Variants in KLHL8 observed in about 807,000 individuals in gnomAD.
KLHL8 encodes kelch like family member 8, also known as kelch-like protein 8.
Under a neutral mutation model 63.5 loss-of-function variants are expected in KLHL8, and 38 were observed. That is an observed-to-expected ratio of 0.60 (90% CI 0.46 to 0.78). The LOEUF (loss-of-function observed/expected upper bound fraction) is 0.78. KLHL8 is among the 30% of genes least tolerant of loss of function. The pLI, the probability that KLHL8 is intolerant of heterozygous loss-of-function variation, is 0.00. For missense variants in KLHL8, 566 were observed against 752.4 expected, an observed-to-expected ratio of 0.75 and a Z score of 2.90; for synonymous variants, 224 against 254.3, an observed-to-expected ratio of 0.88 and a Z score of 1.13.
chr4:87,223,423 T>C (rs1232309870), upstream of KLHL8, among the ~76,000 whole-genome samples: 1 of 152,224 alleles, frequency 6.6e-6, no homozygotes, highest in Non-Finnish European at 1.5e-5. Context: ...ATTTCAATAT[T>C]ATTATCATCT....
intron 2 of KLHL8, among the ~76,000 whole-genome samples, chr4:87,190,291 T>C (rs746747988): frequency 5.0e-4 from 76 of 152,168 alleles, no homozygotes; most frequent in African/African-American, 1.7e-3. Context: ...AATACTATTA[T>C]AGTGGATATA....
chr4:87,224,156 G>C (rs976932279), upstream of KLHL8, among the ~76,000 whole-genome samples: 6 of 152,038 alleles, frequency 3.9e-5, no homozygotes, highest in African/African-American at 1.4e-4. Flanking sequence ...CCGTCTCCCA[G>C]GTTCAAGTGA....
chr4:87,207,041 A>T, intron 1 of KLHL8: 1 of 374,000 alleles, frequency 2.7e-6, no homozygotes, highest in Non-Finnish European at 5.1e-6. Flanking sequence ...CTCCCATTTG[A>T]CACACAGCTG....
chr4:87,237,278 A>G (rs750109413), intron 1 of KLHL8, among the ~76,000 whole-genome samples: 1 of 152,214 alleles, frequency 6.6e-6, no homozygotes, highest in Non-Finnish European at 1.5e-5. Context: ...ATAAGGACAC[A>G]TACTTTTCTA....
At chr4:87,210,678 C>T (rs1035195888) in intron 1 of KLHL8, among the ~76,000 whole-genome samples, 2 of 152,116 alleles carry the variant, frequency 1.3e-5, no homozygotes, top group African/African-American at 4.8e-5. Context: ...AACCCCACCC[C>T]ATGTTCCATA....
intron 1 of KLHL8, among the ~76,000 whole-genome samples, chr4:87,217,297 T>G (rs1405667249): frequency 6.6e-6 from 1 of 151,970 alleles, no homozygotes. Context: ...CAACATTTTG[T>G]TATTTTATGA....
chr4:87,189,943 A>T (rs1578378842), intron 2 of KLHL8, among the ~76,000 whole-genome samples: 1 of 150,110 alleles, frequency 6.7e-6, no homozygotes, highest in African/African-American at 2.4e-5. Flanking sequence ...CTGAGGCAGG[A>T]GAATCGCTTG....
At chr4:87,190,138 C>A (rs990703502) in intron 2 of KLHL8, among the ~76,000 whole-genome samples, 5 of 151,666 alleles carry the variant, frequency 3.3e-5, no homozygotes, top group African/African-American at 4.8e-5. Context: ...TGAAAAATGC[C>A]CTTCTACTCT....
intron 1 of KLHL8, among the ~76,000 whole-genome samples, chr4:87,237,050 C>T (rs1336745040): frequency 6.6e-6 from 1 of 152,108 alleles, no homozygotes; most frequent in Non-Finnish European, 1.5e-5. Context: ...AACAAAATTC[C>T]TAAGTGCCAC....
intron 1 of KLHL8, among the ~76,000 whole-genome samples, chr4:87,212,914 C>G (rs1732460637): frequency 6.6e-6 from 1 of 152,222 alleles, no homozygotes; most frequent in Non-Finnish European, 1.5e-5. Flanking sequence ...GACGTTTGCA[C>G]AATGGCAAAA....
chr4:87,176,409 C>A (rs181422633), intron 6 of KLHL8, among the ~76,000 whole-genome samples: 10 of 152,286 alleles, frequency 6.6e-5, no homozygotes, highest in South Asian at 6.2e-4. Flanking sequence ...ATAGAGGGGA[C>A]AAAATCATCC....
intron 5 of KLHL8, among the ~76,000 whole-genome samples, chr4:87,178,004 T>A (rs980849816): frequency 6.6e-6 from 1 of 152,228 alleles, no homozygotes; most frequent in African/African-American, 2.4e-5. Context: ...TTTCATTTTT[T>A]ATGAAAATGT....
At chr4:87,183,052 AAAAATTATAAATAT>A (rs1374884298) in intron 4 of KLHL8, 137 bp downstream of exon 4, 2 of 515,038 alleles carry the variant, frequency 3.9e-6, no homozygotes, top group Non-Finnish European at 3.2e-6. Flanking sequence ...AATGTACAGT[AAAAATTATAAATAT>A]ATAAAACCGT....
intron 4 of KLHL8, among the ~76,000 whole-genome samples, chr4:87,182,255 C>A (rs4693159): frequency 0.95 from 139,941 of 146,580 alleles, 67,139 homozygotes; most frequent in East Asian, 1. Context: ...AAAAAAATTA[C>A]TTACTTACAT....
At chr4:87,218,516 CCTAA>C (rs1380831526) in intron 1 of KLHL8, among the ~76,000 whole-genome samples, 2 of 152,130 alleles carry the variant, frequency 1.3e-5, no homozygotes, top group Non-Finnish European at 2.9e-5. Flanking sequence ...CGCGCCCGGC[CCTAA>C]CTTTCTTCTT....
intron 4 of KLHL8, among the ~76,000 whole-genome samples, chr4:87,179,898 T>C (rs553971903): frequency 6.9e-4 from 105 of 152,140 alleles, no homozygotes; most frequent in African/African-American, 2.5e-3. Context: ...AAAACACAGA[T>C]TGCTGGGCCT....
intron 2 of KLHL8, among the ~76,000 whole-genome samples, chr4:87,191,532 TAC>T (rs995300019): frequency 1.3e-5 from 2 of 152,134 alleles, no homozygotes; most frequent in Non-Finnish European, 2.9e-5. Flanking sequence ...CCTTCATTCT[TAC>T]AGTTTTATTT....
chr4:87,187,085 G>A (rs1334184399), intron 2 of KLHL8, among the ~76,000 whole-genome samples: 1 of 151,918 alleles, frequency 6.6e-6, no homozygotes, highest in East Asian at 1.9e-4. Flanking sequence ...TAACTAAATC[G>A]TTATTCACAT....
chr4:87,165,149 CAAAA>C (rs71660120), intron 8 of KLHL8, among the ~76,000 whole-genome samples: 4 of 34,142 alleles, frequency 1.2e-4, no homozygotes, highest in Non-Finnish European at 1.6e-4. Flanking sequence ...GACTCTGTCT[CAAAA>C]AAAAAAAAAA....
Sources: allele counts gnomAD v4.1 joint callset (sites outside exome capture counted in the v4.1 genomes callset), GRCh38; gene constraint gnomAD v4.1.1; transcripts MANE v1.5; gene names NCBI Gene and HGNC (gene_info 2026-07-23, HGNC 2026-07-21).